Variants in RIMBP2 observed in about 807,000 individuals in gnomAD.
RIMBP2 encodes RIMS binding protein 2.
Under a neutral mutation model 118.6 loss-of-function variants are expected in RIMBP2, and 48 were observed. The observed-to-expected ratio is 0.40, with a 90% CI of 0.32 to 0.51. The LOEUF (loss-of-function observed/expected upper bound fraction) is 0.51. Among genes scored for constraint, RIMBP2 ranks in the 20% least tolerant of loss-of-function variants. The pLI is 0.41. For missense variants in RIMBP2, 1,551 were observed against 1,768.3 expected, an observed-to-expected ratio of 0.88 and a Z score of 2.20; for synonymous variants, 762 against 742.9, an observed-to-expected ratio of 1.03 and a Z score of -0.42.
At chr12:130,711,517 T>C (rs967088723) in intron 1 of RIMBP2, among the ~76,000 whole-genome samples, 2 of 152,228 alleles carry the variant, frequency 1.3e-5, no homozygotes, top group African/African-American at 4.8e-5. Context: ...GTGTGCTTTG[T>C]CTTTTTTCTC....
intron 2 of RIMBP2, among the ~76,000 whole-genome samples, chr12:130,536,816 C>T (rs2054127313): frequency 6.6e-6 from 1 of 152,188 alleles, no homozygotes; most frequent in African/African-American, 2.4e-5. Context: ...ATACCACCTT[C>T]ACCAGGTGAC....
At chr12:130,482,741 C>T (rs1158929386) in intron 4 of RIMBP2, among the ~76,000 whole-genome samples, 1 of 149,310 alleles carries the variant, frequency 6.7e-6, no homozygotes, top group Admixed American at 6.7e-5. Context: ...CCAATACACC[C>T]ATTGTGTGTG....
intron 1 of RIMBP2, among the ~76,000 whole-genome samples, chr12:130,661,766 C>T (rs1188365872): frequency 3.9e-5 from 6 of 152,202 alleles, no homozygotes; most frequent in Admixed American, 6.5e-5. Context: ...GATGCAATAA[C>T]TACGGTCAGT....
At chr12:130,706,259 GT>G (rs1431109276) in intron 1 of RIMBP2, among the ~76,000 whole-genome samples, 1 of 152,228 alleles carries the variant, frequency 6.6e-6, no homozygotes, top group African/African-American at 2.4e-5. Context: ...TCTTTATTGA[GT>G]GTTGCAAGAT....
intron 14 of RIMBP2, chr12:130,429,803 C>CGGGG (rs1239682172): frequency 6.6e-6 from 1 of 152,160 alleles, no homozygotes; most frequent in East Asian, 1.9e-4. Flanking sequence ...GGGCCTCGGC[C>CGGGG]GGGCAGTCTG....
chr12:130,437,241 C>T lies in RIMBP2; in HGVS notation c.1707G>A (p.Val569=). ...CCTTGGCCTCCAGGCTCCGCAGCCG[C>T]ACAAGCTCCACGGCCGTGCTGTCTG... ...PTADSTAVEL[V]RLRSLEAKGV... The change falls in exon 13 of 23, where the codon GTG becomes GTA. Residue 569 remains valine, a synonymous_variant. Coordinates refer to ENST00000690449, the MANE Select transcript of RIMBP2 (RefSeq NM_001393629.1). 6.3e-7 allele frequency: 1 copy of T among 1,586,676 alleles called. No homozygotes were observed. The highest frequency in any genetic ancestry group is 8.5e-7 in the Non-Finnish European group (1 of 1,172,640).
intron 1 of RIMBP2, among the ~76,000 whole-genome samples, chr12:130,692,840 ATGGGATGGGATAGGGTAGGG>A (rs1358050670): frequency 8.8e-6 from 1 of 113,980 alleles, no homozygotes; most frequent in African/African-American, 3.4e-5. Flanking sequence ...ATGGGATGGG[ATGGGATGGGATAGGGTAGGG>A]TAGGGTAGGG....
chr12:130,621,677 A>G lies in RIMBP2; in HGVS notation c.-217+6645T>C, dbSNP rs1311040602. 6.6e-6 allele frequency among the ~76,000 whole-genome samples: 1 copy of G among 152,216 alleles called. No homozygotes were observed. The highest frequency in any genetic ancestry group is 2.1e-4 in the South Asian group (1 of 4,832). On this transcript the variant is annotated intron_variant, in intron 2 of 22. Coordinates refer to ENST00000690449, the MANE Select transcript of RIMBP2 (RefSeq NM_001393629.1). The surrounding 1 kb of genome is among the most constrained non-coding windows in gnomAD (Gnocchi z 6.6). ...GCAGAACAAAAGGAGCAAGTAAATGACATCCCAGGGCCCGAGTTTACCAAG... is the reference window on the plus strand; with the variant it reads ...GCAGAACAAAAGGAGCAAGTAAATGGCATCCCAGGGCCCGAGTTTACCAAG...
At chr12:130,678,296 G>A (rs974369633) in intron 1 of RIMBP2, among the ~76,000 whole-genome samples, 2 of 152,198 alleles carry the variant, frequency 1.3e-5, no homozygotes, top group Non-Finnish European at 2.9e-5. Flanking sequence ...CCTGGCACAC[G>A]TGTTCAGCGG....
intron 4 of RIMBP2, among the ~76,000 whole-genome samples, chr12:130,479,430 T>TCTGCATTTAAGTCATATCATC (rs2081752630): frequency 6.6e-6 from 1 of 152,244 alleles, no homozygotes; most frequent in Non-Finnish European, 1.5e-5. Flanking sequence ...CAGGGTTTTA[T>TCTGCATTTAAGTCATATCATC]CTGCATTTAA....
chr12:130,434,788 C>T lies in RIMBP2; in HGVS notation c.2199G>A (p.Lys733=). The T allele has an allele frequency of 6.2e-7, 1 of 1,613,926 alleles. No individual in the cohort carries two copies. The change falls in exon 14 of 23, where the codon AAG becomes AAA. Residue 733 remains lysine (K), a synonymous_variant. Transcript: ENST00000690449. The surrounding 1 kb of genome is among the most constrained non-coding windows in gnomAD (Gnocchi z 5.7). The stretch of plus-strand genomic sequence containing the variant: ...AGTCGTCCACCGAGGCGCCCCTCCT[C>T]TTGAAGTCTGGAGAGTCATAGGCGT... ...EEDAYDSPDF[K]RRGASVDDFL... is the part of the protein sequence containing the mutation.
rs372446878 is a variant in RIMBP2 at position 130,436,971 on chromosome 12, G to A, written c.1977C>T (p.Pro659=). The change falls in exon 13 of 23, where the codon CCC becomes CCT. Residue 659 remains proline (P), a synonymous_variant. Transcript: ENST00000690449. ...GPVHGHMLEP[P]VGPGRRSPSP... ...AGGGCGACCGCCTTCCGGGGCCCAC[G>A]GGCGGCTCCAGCATGTGCCCATGCA... 134 of 1,608,668 alleles carry A rather than the reference G, an allele frequency of 8.3e-5. No individual in the cohort carries two copies. The Middle Eastern group carries it at 8.4e-4, about 10-fold the overall frequency.
At chr12:130,680,117 T>C (rs1334032804) in intron 1 of RIMBP2, among the ~76,000 whole-genome samples, 2 of 152,264 alleles carry the variant, frequency 1.3e-5, no homozygotes, top group Non-Finnish European at 2.9e-5. Flanking sequence ...GCAATATGCT[T>C]TGTATGGAAA....
intron 2 of RIMBP2, among the ~76,000 whole-genome samples, chr12:130,544,607 T>TC (rs1298814195): frequency 6.8e-6 from 1 of 147,260 alleles, no homozygotes; most frequent in East Asian, 2.0e-4. Context: ...TTTTTTTTTT[T>TC]TTTTTTTTTT....
chr12:130,438,335 A>AGCCCCCC, intron 12 of RIMBP2, 30 bp downstream of exon 12: 2 of 865,010 alleles, frequency 2.3e-6, no homozygotes, highest in South Asian at 1.3e-5. Context: ...GGCCTAACAA[A>AGCCCCCC]CCCTCCCCAC....
In RIMBP2 at chr12:130,434,029, C is replaced by T. The variant is rs2077332982; in HGVS notation, c.2253+705G>A. Among the ~76,000 whole-genome samples, 1 of 152,184 alleles carries T rather than the reference C, an allele frequency of 6.6e-6. No individual in the cohort carries two copies. Among genetic ancestry groups the T allele is most frequent in the African/African-American group, 2.4e-5 (1 of 41,450 alleles). The stretch of plus-strand genomic sequence containing the variant: ...TAACCAGCCGGGACATAAACCCAGG[C>T]CTGAGAGATGCCAGTCCCCCTCTCC... On this transcript the variant is annotated intron_variant, in intron 14 of 22. Coordinates refer to ENST00000690449, the MANE Select transcript of RIMBP2 (RefSeq NM_001393629.1). The surrounding 1 kb of genome is among the most constrained non-coding windows in gnomAD (Gnocchi z 5.7).
intron 3 of RIMBP2, among the ~76,000 whole-genome samples, chr12:130,517,456 C>T (rs11060965): frequency 0.072 from 10,986 of 152,096 alleles, 516 homozygotes; most frequent in East Asian, 0.16. Context: ...GAGTTAGATT[C>T]GGATGAAGAA....
At chr12:130,432,305 T>C (rs1217306624) in intron 14 of RIMBP2, 1 of 456,558 alleles carries the variant, frequency 2.2e-6, no homozygotes, top group African/African-American at 2.0e-5. Context: ...TTCTCAATTC[T>C]GTGGGCCTCA....
At chr12:130,595,281 G>T (rs573237183) in intron 2 of RIMBP2, among the ~76,000 whole-genome samples, 3 of 152,128 alleles carry the variant, frequency 2.0e-5, no homozygotes, top group African/African-American at 7.2e-5. Context: ...CATCTTGGCC[G>T]GGCGCGGTGG....
Sources: allele counts gnomAD v4.1 joint callset (sites outside exome capture counted in the v4.1 genomes callset), GRCh38; gene constraint gnomAD v4.1.1; non-coding constraint Gnocchi (gnomAD v3.1); transcripts MANE v1.5; gene names NCBI Gene and HGNC (gene_info 2026-07-23, HGNC 2026-07-21).